Variants in C12orf54 observed in about 807,000 individuals in gnomAD.
C12orf54 encodes uncharacterized protein C12orf54.
Under a neutral mutation model 26.4 loss-of-function variants are expected in C12orf54, and 24 were observed. The observed-to-expected ratio is 0.91, with a 90% confidence interval of 0.66 to 1.28. C12orf54 has a LOEUF of 1.28. Among genes scored for constraint, C12orf54 ranks in the 50% most tolerant of loss-of-function variants. The pLI, the probability that C12orf54 is intolerant of heterozygous loss-of-function variation, is 0.00. For synonymous variants in C12orf54, 54 were observed against 47.0 expected (o/e 1.15, Z -0.61); for missense variants, 154 against 150.9 (o/e 1.02, Z -0.11).
the C12orf54 span, among the ~76,000 whole-genome samples, chr12:48,437,161 T>A: frequency 6.6e-6 from 1 of 152,174 alleles, no homozygotes; most frequent in Non-Finnish European, 1.5e-5. Context: ...AAGAAATGGA[T>A]AAATTCCTGG....
chr12:48,466,580 A>C, the C12orf54 span, among the ~76,000 whole-genome samples: 2 of 152,056 alleles, frequency 1.3e-5, no homozygotes, highest in African/African-American at 4.8e-5. Context: ...GCAAATGAAA[A>C]GATGCTTAAC....
chr12:48,488,382 G>A (rs1472449272), intron 4 of C12orf54: 3 of 488,066 alleles, frequency 6.1e-6, no homozygotes, highest in Non-Finnish European at 1.2e-5. Context: ...GGCTGGGTCA[G>A]CAACTGAATT....
the C12orf54 span, among the ~76,000 whole-genome samples, chr12:48,451,430 A>G: frequency 6.6e-6 from 1 of 152,196 alleles, no homozygotes; most frequent in Non-Finnish European, 1.5e-5. Context: ...GAAAACCAGC[A>G]CAAGACAAAA....
chr12:48,440,394 C>T, the C12orf54 span, among the ~76,000 whole-genome samples: 2 of 152,134 alleles, frequency 1.3e-5, no homozygotes, highest in Non-Finnish European at 2.9e-5. Flanking sequence ...TAATTTTGGA[C>T]CATGATAATT....
the C12orf54 span, among the ~76,000 whole-genome samples, chr12:48,425,386 G>A: frequency 1.2e-4 from 18 of 152,128 alleles, no homozygotes; most frequent in Admixed American, 1.0e-3. Flanking sequence ...CTCCATCCAC[G>A]TTCCCACAAA....
chr12:48,432,941 T>C, the C12orf54 span, among the ~76,000 whole-genome samples: 1 of 150,774 alleles, frequency 6.6e-6, no homozygotes, highest in African/African-American at 2.4e-5. Flanking sequence ...AATGTTAAAA[T>C]CCAATAGTAT....
chr12:48,426,581 C>T, the C12orf54 span, among the ~76,000 whole-genome samples: 28 of 151,968 alleles, frequency 1.8e-4, no homozygotes, highest in Admixed American at 1.1e-3. Flanking sequence ...ATTTTGGTTC[C>T]GTATGAATTT....
At chr12:48,451,457 C>T in the C12orf54 span, among the ~76,000 whole-genome samples, 1 of 152,190 alleles carries the variant, frequency 6.6e-6, no homozygotes, top group Admixed American at 6.5e-5. Flanking sequence ...TCCCTCACCA[C>T]TCCTATTCAA....
At chr12:48,479,347 C>T (rs1190514027), upstream of C12orf54, among the ~76,000 whole-genome samples, 2 of 152,076 alleles carry the variant, frequency 1.3e-5, no homozygotes, top group African/African-American at 2.4e-5. Flanking sequence ...GAACATCACA[C>T]GTTGGGGACT....
chr12:48,456,675 G>A, the C12orf54 span, among the ~76,000 whole-genome samples: 1 of 152,184 alleles, frequency 6.6e-6, no homozygotes, highest in African/African-American at 2.4e-5. Context: ...AGGATGAAAT[G>A]AGATGTTCAC....
the C12orf54 span, among the ~76,000 whole-genome samples, chr12:48,435,017 A>C: frequency 6.6e-6 from 1 of 152,194 alleles, no homozygotes; most frequent in South Asian, 2.1e-4. Flanking sequence ...CTTTGAAAAA[A>C]AATTAGACGA....
At chr12:48,489,868 T>A (rs912730788) in intron 5 of C12orf54, among the ~76,000 whole-genome samples, 2 of 152,022 alleles carry the variant, frequency 1.3e-5, no homozygotes, top group African/African-American at 4.8e-5. Context: ...ATTACAGGTA[T>A]GTGCCACCAC....
At chr12:48,464,954 A>G in the C12orf54 span, among the ~76,000 whole-genome samples, 2 of 152,204 alleles carry the variant, frequency 1.3e-5, no homozygotes, top group Non-Finnish European at 2.9e-5. Flanking sequence ...ACCCAAAACT[A>G]TAAAAGCCTT....
chr12:48,490,716 A>G, intron 5 of C12orf54, 96 bp from the exon 6 acceptor site: 1 of 1,399,196 alleles, frequency 7.1e-7, no homozygotes, highest in Non-Finnish European at 1.0e-6. Context: ...TCCCAAACAG[A>G]CATCCCTGCA....
At chr12:48,490,738 C>G (rs1937771886) in intron 5 of C12orf54, 74 bp from the exon 6 acceptor site, 1 of 1,549,974 alleles carries the variant, frequency 6.5e-7, no homozygotes, top group Non-Finnish European at 8.9e-7. Flanking sequence ...TTGACCAAGT[C>G]TATAGCTAAT....
chr12:48,473,573 A>C, the C12orf54 span: 3 of 302,384 alleles, frequency 9.9e-6, no homozygotes, highest in Admixed American at 4.2e-5. Context: ...TTGTGAGGGA[A>C]GGGAGGGGAG....
At chr12:48,454,804 TGTAA>T in the C12orf54 span, among the ~76,000 whole-genome samples, 1 of 152,242 alleles carries the variant, frequency 6.6e-6, no homozygotes, top group South Asian at 2.1e-4. Flanking sequence ...AGCTTAAGGT[TGTAA>T]GTCTAGGGAA....
chr12:48,433,602 C>A, the C12orf54 span, among the ~76,000 whole-genome samples: 17 of 152,260 alleles, frequency 1.1e-4, no homozygotes, highest in African/African-American at 4.1e-4. Context: ...CACCCACCAC[C>A]ACCCCTGGCT....
chr12:48,418,884 G>A, the C12orf54 span, among the ~76,000 whole-genome samples: 1 of 150,506 alleles, frequency 6.6e-6, no homozygotes, highest in African/African-American at 2.5e-5. Flanking sequence ...AGATAGCCTA[G>A]ATGTTTGGTT....
Sources: gnomAD v4.1 joint callset for allele counts (sites outside exome capture counted in the v4.1 genomes callset) on GRCh38, gnomAD v4.1.1 for gene constraint, MANE v1.5 for transcripts, NCBI Gene and HGNC (gene_info 2026-07-23, HGNC 2026-07-21) for gene names.